The following ITGAE variants were observed in gnomAD, a reference collection of about 807,000 sequenced individuals.
The protein encoded by ITGAE is integrin alpha-E.
In ITGAE, 99 loss-of-function variants were observed where a neutral mutation model predicts 136.5. The ratio of observed to expected loss-of-function variants is 0.73; its 90% CI spans 0.62 to 0.86. The LOEUF (loss-of-function observed/expected upper bound fraction) is 0.86, where lower values mean the gene tolerates loss of function less well. Among genes scored for constraint, ITGAE ranks in the 40% least tolerant of loss-of-function variants. The pLI, the probability that ITGAE is intolerant of heterozygous loss-of-function variation, is 0.00. For synonymous variants in ITGAE, 613 were observed against 591.8 expected (o/e 1.04, Z -0.52); for missense variants, 1,447 against 1,515.3 (o/e 0.95, Z 0.75).
intron 1 of ITGAE, among the ~76,000 whole-genome samples, chr17:3,780,605 G>T (rs1206711796): frequency 6.6e-6 from 1 of 151,824 alleles, no homozygotes; most frequent in Admixed American, 6.6e-5. Context: ...GCCAATTTTT[G>T]TATTTTCAGT....
At chr17:3,797,189 G>A (rs1298763458) in intron 1 of ITGAE, among the ~76,000 whole-genome samples, 8 of 128,998 alleles carry the variant, frequency 6.2e-5, no homozygotes, top group Admixed American at 3.4e-4. Context: ...TTTTTGAGAC[G>A]GAGTCTCGCT....
chr17:3,754,481 G>T (rs2051951766), intron 12 of ITGAE, among the ~76,000 whole-genome samples: 1 of 152,108 alleles, frequency 6.6e-6, no homozygotes, highest in African/African-American at 2.4e-5. Context: ...CATGTTGGCC[G>T]GGCTGGTCTC....
rs1424155655 is a variant in ITGAE at position 3,759,504 on chromosome 17, T to C, written c.764A>G (p.Asp255Gly). 1 of 1,613,986 alleles carries C rather than the reference T, an allele frequency of 6.2e-7. No homozygotes were observed. Among genetic ancestry groups the C allele is most frequent in the African/African-American group, 1.3e-5 (1 of 74,894 alleles). The change falls in exon 8 of 31, where the codon GAC (aspartate) becomes GGC (glycine). Residue 255 changes from aspartate to glycine, a missense_variant. By Grantham distance (94) the Asp-to-Gly change is moderately conservative. Around this residue, in one of 3 missense-constraint regions of ITGAE, gnomAD observed 310 missense variants for 416.1 expected, o/e 0.74. Transcript: ENST00000263087. Reference protein sequence around the residue: ...QYGGVIQTEFDLRDSQDVMAS... With the variant: ...QYGGVIQTEFGLRDSQDVMAS... The stretch of plus-strand genomic sequence containing the variant: ...CATCACATCCTGGCTGTCCCGAAGG[T>C]CAAACTCAGTCTGGATCACTCCTCC...
chr17:3,752,921 G>A (rs1394775110), intron 14 of ITGAE, among the ~76,000 whole-genome samples: 1 of 152,190 alleles, frequency 6.6e-6, no homozygotes, highest in Non-Finnish European at 1.5e-5. Context: ...TGTGGCCCAT[G>A]CCTGTAATCC....
At chr17:3,750,203 A>G in intron 16 of ITGAE, 149 bp downstream of exon 16, 5 of 1,169,896 alleles carry the variant, frequency 4.3e-6, no homozygotes, top group Non-Finnish European at 3.6e-6. Context: ...GCTGAGGTTC[A>G]AACCCAGACG....
intron 29 of ITGAE, among the ~76,000 whole-genome samples, chr17:3,718,580 A>C (rs2050985250): frequency 6.6e-6 from 1 of 152,222 alleles, no homozygotes; most frequent in Admixed American, 6.5e-5. Flanking sequence ...TCATAGAGTC[A>C]CTGTAAGTCA....
At chr17:3,776,765 C>G (rs1006625148) in intron 2 of ITGAE, among the ~76,000 whole-genome samples, 1 of 151,694 alleles carries the variant, frequency 6.6e-6, no homozygotes, top group Non-Finnish European at 1.5e-5. Flanking sequence ...CACTATGTTG[C>G]CCAGGGTGGT....
At position 3,745,490 on chromosome 17, in the gene ITGAE, C is replaced by T. The variant is rs113412036; in HGVS notation, c.2319+274G>A. 3.7e-3 allele frequency among the ~76,000 whole-genome samples: 566 copies of T among 152,124 alleles called. 4 individuals carry two copies. Among genetic ancestry groups the T allele is most frequent in the Non-Finnish European group, 5.1e-3 (344 of 67,992 alleles). ...CCGAGTAGCTGGGATTACAGGCACC[C>T]GCCATCACGCCCGGCTAATTTTTGT... On this transcript the variant is annotated intron_variant, in intron 18 of 30. Transcript: ENST00000263087.
intron 2 of ITGAE, among the ~76,000 whole-genome samples, chr17:3,769,916 C>A (rs1485978714): frequency 6.6e-6 from 1 of 152,062 alleles, no homozygotes; most frequent in East Asian, 1.9e-4. Flanking sequence ...TGCTCTTGAA[C>A]TCCTGAGCTC....
chr17:3,734,865 G>A lies in ITGAE; in HGVS notation c.2607C>T (p.Ser869=). Residue 869 remains serine, a synonymous_variant, in exon 21 of 31, where the codon AGC becomes AGT. Coordinates refer to ENST00000263087, the MANE Select transcript of ITGAE (RefSeq NM_002208.5). The stretch of plus-strand genomic sequence containing the variant: ...GGTTTCTGGGGTAATTCAAGGCCAT[G>A]CTTGTCATGTAGGAATCTTCCCCGG... The part of the protein sequence containing the change: ...TNSGEDSYMT[S]MALNYPRNLQ... 1.2e-6 allele frequency: 2 copies of A among 1,614,228 alleles called. No homozygotes were observed. The highest frequency in any genetic ancestry group is 2.2e-5 in the South Asian group (2 of 91,082).
chr17:3,759,219 A>G (rs2052105496), intron 8 of ITGAE, among the ~76,000 whole-genome samples, 183 bp downstream of exon 8: 1 of 152,068 alleles, frequency 6.6e-6, no homozygotes, highest in African/African-American at 2.4e-5. Context: ...CACAAGAGGA[A>G]GTCTTTGGAA....
chr17:3,785,539 G>GAAGC (rs2052769954), intron 1 of ITGAE, among the ~76,000 whole-genome samples: 1 of 150,512 alleles, frequency 6.6e-6, no homozygotes, highest in East Asian at 2.0e-4. Flanking sequence ...AGGAAGGAAG[G>GAAGC]AAGGAAGGAA....
chr17:3,725,224 GTGGT>G, intron 26 of ITGAE: 1 of 1,614,200 alleles, frequency 6.2e-7, no homozygotes, highest in Non-Finnish European at 8.5e-7. Context: ...AACAGAACAA[GTGGT>G]GCTCCGTCCT....
At chr17:3,768,628 C>G (rs1275024549) in intron 2 of ITGAE, among the ~76,000 whole-genome samples, 1 of 152,186 alleles carries the variant, frequency 6.6e-6, no homozygotes, top group Non-Finnish European at 1.5e-5. Flanking sequence ...CCAAGGTTGG[C>G]TTATTCTCCT....
intron 2 of ITGAE, among the ~76,000 whole-genome samples, chr17:3,772,761 G>C (rs2052457110): frequency 6.6e-6 from 1 of 152,152 alleles, no homozygotes; most frequent in Non-Finnish European, 1.5e-5. Flanking sequence ...ACCGCGCCTG[G>C]CAGTGACCAG....
intron 2 of ITGAE, 39 bp downstream of exon 2, chr17:3,777,501 C>T: frequency 6.4e-7 from 1 of 1,569,070 alleles, no homozygotes; most frequent in Non-Finnish European, 8.7e-7. Context: ...CCTGGAAGCC[C>T]CTCAGTCTGA....
intron 3 of ITGAE, 41 bp from the exon 4 acceptor site, chr17:3,762,023 T>C (rs1286085870): frequency 7.6e-6 from 12 of 1,576,350 alleles, no homozygotes; most frequent in Non-Finnish European, 1.0e-5. Context: ...GAGGGGACTC[T>C]GGGAGGCAGA....
Position 3,777,240 on chromosome 17 carries a change from C to CGT in ITGAE, c.155+298_155+299dup, listed in dbSNP as rs2052565778. On this transcript the variant is annotated intron_variant, in intron 2 of 30. Coordinates refer to ENST00000263087, the MANE Select transcript of ITGAE (RefSeq NM_002208.5). ...CCTCCCAAAGTGCTGGGATTACAGGCGTGAGCCACCGTGCCCGGCCACTAA... is the reference window on the plus strand; with the variant it reads ...CCTCCCAAAGTGCTGGGATTACAGGCGTGTGAGCCACCGTGCCCGGCCACTAA... Among the ~76,000 whole-genome samples the CGT allele has an allele frequency of 4.6e-5, 7 of 152,304 alleles. No individual in the cohort carries two copies. In the South Asian group the frequency reaches 1.4e-3, roughly 32 times the overall value.
At chr17:3,754,109 C>T (rs552347787) in intron 12 of ITGAE, among the ~76,000 whole-genome samples, 184 bp from the exon 13 acceptor site, 6 of 152,304 alleles carry the variant, frequency 3.9e-5, no homozygotes, top group Admixed American at 3.3e-4. Flanking sequence ...GCCAGTCACA[C>T]ACATCCCCAT....
Sources: gnomAD v4.1 joint callset for allele counts (sites outside exome capture counted in the v4.1 genomes callset) on GRCh38, gnomAD v4.1.1 for gene constraint, gnomAD v4.1.1 regional missense constraint, MANE v1.5 for transcripts, NCBI Gene and HGNC (gene_info 2026-07-23, HGNC 2026-07-21) for gene names.